Variants in DCAF1 observed in about 807,000 individuals in gnomAD.
DCAF1 encodes DDB1 and CUL4 associated factor 1.
Under a neutral mutation model 128.0 loss-of-function variants are expected in DCAF1, and 15 were observed. The observed-to-expected ratio is 0.12, with a 90% CI of 0.08 to 0.18. The LOEUF is 0.18. Ranked by LOEUF, DCAF1 falls within the 10% of genes least tolerant of loss-of-function variation. The probability of loss-of-function intolerance (pLI) is 1.00; values close to 1 mark genes in which losing one functional copy is unlikely to be tolerated. For synonymous variants in DCAF1, 610 were observed against 603.0 expected (o/e 1.01, Z -0.17); for missense variants, 988 against 1,649.5 (o/e 0.60, Z 6.95).
At chr3:51,422,181 G>C in intron 14 of DCAF1, 126 bp downstream of exon 14, 1 of 626,932 alleles carries the variant, frequency 1.6e-6, no homozygotes, top group South Asian at 1.8e-5. Context: ...GGACAGACAA[G>C]GAGCCCCCCT....
At chr3:51,401,499 G>A (rs533908414) in intron 24 of DCAF1, among the ~76,000 whole-genome samples, 111 of 152,278 alleles carry the variant, frequency 7.3e-4, no homozygotes, top group Non-Finnish European at 1.3e-3. Context: ...ACTCTGAGAC[G>A]TCCTCAAGTT....
intron 6 of DCAF1, among the ~76,000 whole-genome samples, chr3:51,453,931 G>A (rs1228423635): frequency 1.3e-5 from 2 of 150,022 alleles, no homozygotes; most frequent in Non-Finnish European, 2.9e-5. Flanking sequence ...CAGCCTGCAC[G>A]ACAGAGCGAG....
chr3:51,438,310 T>C (rs954314098), intron 9 of DCAF1, among the ~76,000 whole-genome samples: 9 of 152,152 alleles, frequency 5.9e-5, no homozygotes, highest in African/African-American at 1.2e-4. Flanking sequence ...TTCTAAGCAG[T>C]AGAAATACAA....
rs1437061626 is a variant in DCAF1, at chr3:51,420,591, A to G, written c.2379T>C (p.Pro793=). ...SCQIQQLMKE[P]VLQDKRSDHV... ...GGTCACTGCGCTTGTCCTGCAGCAC[A>G]GGCTCCTTCATCAGCTGCTGGATCT... Residue 793 remains proline, a synonymous_variant, in exon 15 of 25, where the codon CCT becomes CCC. Coordinates refer to ENST00000684031, the MANE Select transcript of DCAF1 (RefSeq NM_001387579.1). This position sits in a 1 kb window ranked among gnomAD's most constrained non-coding sequence, Gnocchi z 6.5. The G allele has an allele frequency of 6.2e-7, 1 of 1,613,896 alleles. No individual in the cohort carries two copies. The highest frequency in any genetic ancestry group is 8.5e-7 in the Non-Finnish European group (1 of 1,179,872).
At chr3:51,463,770 C>A (rs1553645530) in intron 5 of DCAF1, among the ~76,000 whole-genome samples, 1 of 151,866 alleles carries the variant, frequency 6.6e-6, no homozygotes, top group Non-Finnish European at 1.5e-5. Context: ...AACGGTGAGA[C>A]CCTGTCTCCA....
intron 2 of DCAF1, 51 bp from the exon 3 acceptor site, chr3:51,483,887 G>C (rs1553654140): frequency 7.8e-7 from 1 of 1,274,532 alleles, no homozygotes; most frequent in African/African-American, 1.5e-5. Context: ...ATGAACACAA[G>C]CAAATAAAAG....
At chr3:51,482,602 T>A (rs2356299) in intron 3 of DCAF1, among the ~76,000 whole-genome samples, 131,346 of 147,704 alleles carry the variant, frequency 0.89, 58,513 homozygotes, top group African/African-American at 0.95. Flanking sequence ...CCGTCTCTAC[T>A]AAAAATACAA....
chr3:51,413,824 C>G (rs1553629389), intron 20 of DCAF1, 126 bp downstream of exon 20: 6 of 1,216,154 alleles, frequency 4.9e-6, no homozygotes, highest in Non-Finnish European at 5.3e-6. Flanking sequence ...AATTTTTTAT[C>G]TTTTATGTTA....
chr3:51,436,186 A>G (rs1553636636), intron 9 of DCAF1, among the ~76,000 whole-genome samples: 1 of 152,254 alleles, frequency 6.6e-6, no homozygotes, highest in Admixed American at 6.5e-5. Flanking sequence ...AGGAGCAATG[A>G]TGCTCAGGGA....
chr3:51,415,421 G>C (rs1698790573), intron 18 of DCAF1, among the ~76,000 whole-genome samples: 1 of 152,156 alleles, frequency 6.6e-6, no homozygotes, highest in Non-Finnish European at 1.5e-5. Context: ...CTTGAGTCCA[G>C]GCAGTCAAGG....
At chr3:51,457,257 C>T (rs1275811894) in intron 6 of DCAF1, among the ~76,000 whole-genome samples, 1 of 152,072 alleles carries the variant, frequency 6.6e-6, no homozygotes, top group Non-Finnish European at 1.5e-5. Flanking sequence ...CAGAAAGCTA[C>T]GTGACGAATG....
At chr3:51,471,868 T>C (rs953384681) in intron 3 of DCAF1, among the ~76,000 whole-genome samples, 3 of 150,832 alleles carry the variant, frequency 2.0e-5, no homozygotes, top group Admixed American at 1.3e-4. Flanking sequence ...AAACTCTGTC[T>C]CAAAAAAAAA....
chr3:51,479,482 A>T (rs782140812), intron 3 of DCAF1, among the ~76,000 whole-genome samples: 6 of 152,136 alleles, frequency 3.9e-5, no homozygotes, highest in Non-Finnish European at 7.4e-5. Flanking sequence ...CAGCCTCGGC[A>T]ACAGAGGGAA....
At chr3:51,452,112 C>T (rs1439391927) in intron 6 of DCAF1, among the ~76,000 whole-genome samples, 1 of 151,930 alleles carries the variant, frequency 6.6e-6, no homozygotes, top group Non-Finnish European at 1.5e-5. Context: ...AGCAGTGGCA[C>T]AATCACAGTT....
Position 51,443,817 on chromosome 3 carries a change from A to G in DCAF1, c.462T>C (p.Ala154=). Residue 154 remains alanine, a synonymous_variant, in exon 7 of 25, where the codon GCT becomes GCC. Coordinates refer to ENST00000684031, the MANE Select transcript of DCAF1 (RefSeq NM_001387579.1). The part of the protein sequence containing the change: ...RTYSTGLLGG[A]MENQDIAANY... ...TGGCAGCAATGTCTTGATTTTCCAT[A>G]GCACCTCCTAACAGTCCAGTAGAAT... is the stretch of plus-strand genomic sequence containing the variant. 1 of 1,612,688 alleles carries G rather than the reference A, an allele frequency of 6.2e-7. No individual in the cohort carries two copies. Among genetic ancestry groups the G allele is most frequent in the Non-Finnish European group, 8.5e-7 (1 of 1,179,584 alleles).
At position 51,420,655 on chromosome 3, in the gene DCAF1, C is replaced by T. The variant is rs1553632233; in HGVS notation, c.2315G>A (p.Arg772Gln). ...AAGGGGCAGTTTACTGATGATCTGC[C>T]GGACAGTGCTACTGCGAGACAGGCC... The part of the protein sequence containing the change: ...LVGLSRSSTV[R>Q]QIISKLPLFS... The change falls in exon 15 of 25, where the codon CGG (arginine) becomes CAG (glutamine). Residue 772 changes from arginine (R) to glutamine (Q), a missense_variant. Arg to Gln is a conservative substitution (Grantham distance 43). Transcript: ENST00000684031. This position sits in a 1 kb window ranked among gnomAD's most constrained non-coding sequence, Gnocchi z 6.5. 4 of 1,614,048 alleles carry T rather than the reference C, an allele frequency of 2.5e-6. No individual in the cohort carries two copies. The highest frequency in any genetic ancestry group is 1.7e-6 in the Non-Finnish European group (2 of 1,179,906).
intron 9 of DCAF1, among the ~76,000 whole-genome samples, chr3:51,439,560 G>A (rs1160588418): frequency 6.6e-6 from 1 of 150,728 alleles, no homozygotes; most frequent in African/African-American, 2.4e-5. Flanking sequence ...TCCCACCTCA[G>A]CCTCCTGAGT....
At chr3:51,435,711 CAA>C (rs879994512) in intron 9 of DCAF1, among the ~76,000 whole-genome samples, 2 of 140,782 alleles carry the variant, frequency 1.4e-5, no homozygotes, top group Non-Finnish European at 1.5e-5. Context: ...AACTCTGTCT[CAA>C]AAAAAAAAAA....
the DCAF1 span, among the ~76,000 whole-genome samples, chr3:51,505,192 A>ATAC: frequency 6.6e-6 from 1 of 150,828 alleles, no homozygotes; most frequent in African/African-American, 2.4e-5. Flanking sequence ...TGAACCCAGG[A>ATAC]GGCGTAGGTT....
Sources: gnomAD v4.1 joint callset for allele counts (sites outside exome capture counted in the v4.1 genomes callset) on GRCh38, gnomAD v4.1.1 for gene constraint, Gnocchi (gnomAD v3.1) non-coding constraint, MANE v1.5 for transcripts, NCBI Gene and HGNC (gene_info 2026-07-23, HGNC 2026-07-21) for gene names.